The following NPHP3 variants were observed in gnomAD, a reference collection of about 807,000 sequenced individuals.
NPHP3 encodes nephrocystin 3, also known as nephrocystin-3.
In NPHP3, 123 loss-of-function variants were observed where a neutral mutation model predicts 171.9. The observed-to-expected ratio is 0.72, with a 90% CI of 0.62 to 0.83. The LOEUF (loss-of-function observed/expected upper bound fraction) is 0.83, where lower values mean the gene tolerates loss of function less well. Among genes scored for constraint, NPHP3 ranks in the 40% least tolerant of loss-of-function variants. The probability of loss-of-function intolerance (pLI) is 0.00; values close to 1 mark genes in which losing one functional copy is unlikely to be tolerated. For missense variants in NPHP3, 1,506 were observed against 1,591.9 expected (o/e 0.95, Z 0.92); for synonymous variants, 558 against 579.2 (o/e 0.96, Z 0.52).
At chr3:132,713,390 T>C (rs1040894175) in intron 5 of NPHP3, 104 bp from the exon 6 acceptor site, 30 of 595,926 alleles carry the variant, frequency 5.0e-5, no homozygotes, top group Non-Finnish European at 7.9e-5. Context: ...CAGGTTATAC[T>C]GGATATCTTT....
At chr3:132,691,080 T>A (rs1437726940) in intron 18 of NPHP3, 112 bp downstream of exon 18, 1 of 850,764 alleles carries the variant, frequency 1.2e-6, no homozygotes, top group East Asian at 2.4e-5. Flanking sequence ...TTAATCTTTT[T>A]TGTAATAATT....
rs774889708 is a variant in NPHP3 at position 132,684,564 on chromosome 3, T to C, written c.3560A>G (p.Tyr1187Cys). ...AYTVKHLAIL[Y>C]KKMGKLDKAV... ...TCAAAGCTTACTTACCATTTTCTTA[T>C]ACAAGATGGCAAGATGCTTCACCGT... is the stretch of plus-strand genomic sequence containing the variant. The change falls in exon 24 of 27, where the codon TAT becomes TGT. Residue 1187 changes from tyrosine to cysteine, a missense_variant. Tyr to Cys is a radical substitution (Grantham distance 194). Around this residue, in one of 3 missense-constraint regions of NPHP3, gnomAD observed 569 missense variants for 648.1 expected, o/e 0.88. Transcript: ENST00000337331. The C allele has an allele frequency of 2.5e-6, 4 of 1,614,032 alleles. No individual in the cohort carries two copies. The highest frequency in any genetic ancestry group is 3.3e-5 in the Admixed American group (2 of 60,022).
chr3:132,700,066 A>T lies in NPHP3; in HGVS notation c.1744-5T>A. 1 of 1,614,074 alleles carries T rather than the reference A, an allele frequency of 6.2e-7. No individual in the cohort carries two copies. On this transcript the variant is annotated splice_region_variant and splice_polypyrimidine_tract_variant and intron_variant, in intron 11 of 26. Transcript: ENST00000337331. ...TGACCAAGAGTGCTGCATCAACTAC[A>T]AGATAAGAACACACACAAACTGAAG...
At position 132,722,197 on chromosome 3, in the gene NPHP3, T is replaced by A; in HGVS notation, c.159A>T (p.Ala53=). The stretch of plus-strand genomic sequence containing the variant: ...GGGGCAGCGACCCGGGCCCGGCCCC[T>A]GCTGCCGCCCCCGCGCCTCGGCGGA... ...NSFRRGAGAA[A]GAGPGSLPRG... The change falls in exon 1 of 27, where the codon GCA becomes GCT. Residue 53 remains alanine, a synonymous_variant. Transcript: ENST00000337331. 2 of 1,509,092 alleles carry A rather than the reference T, an allele frequency of 1.3e-6. No homozygotes were observed. The highest frequency in any genetic ancestry group is 1.4e-5 in the African/African-American group (1 of 69,728). The allele number at this position is 1,509,092 out of a possible 1,614,324, so 93.5% of individuals were successfully genotyped here.
chr3:132,691,772 C>T (rs1939306003), intron 17 of NPHP3, among the ~76,000 whole-genome samples: 1 of 152,160 alleles, frequency 6.6e-6, no homozygotes, highest in Admixed American at 6.5e-5. Flanking sequence ...ATGTGCTAAA[C>T]ATCTTTCTAG....
rs138630766 is a variant in NPHP3, at chr3:132,684,630, C to T, written c.3494G>A (p.Arg1165Gln). The change falls in exon 24 of 27, where the codon CGG becomes CAG. Residue 1165 changes from arginine to glutamine, a missense_variant. Arg to Gln is a conservative substitution (Grantham distance 43). This residue lies in a region of NPHP3 where 569 missense variants were observed against 648.1 expected (regional missense o/e 0.88). Coordinates refer to ENST00000337331, the MANE Select transcript of NPHP3 (RefSeq NM_153240.5). ...GTGATCAGGAGCTAATGCACGTCTC[C>T]GAATATCTAAAGCTCTTTCATAAAG... ...EELYERALDI[R>Q]RRALAPDHPS... is the part of the protein sequence containing the mutation. The T allele has an allele frequency of 2.0e-5, 32 of 1,613,888 alleles. No individual in the cohort carries two copies. Among genetic ancestry groups the T allele is most frequent in the Non-Finnish European group, 2.5e-5 (30 of 1,179,918 alleles).
At chr3:132,684,183 T>C (rs1376115846) in intron 24 of NPHP3, among the ~76,000 whole-genome samples, 2 of 152,226 alleles carry the variant, frequency 1.3e-5, no homozygotes, top group Non-Finnish European at 2.9e-5. Context: ...AGACATCTCC[T>C]GATTTCTTAT....
rs1232925085 is a variant in NPHP3 at position 132,696,778 on chromosome 3, T to A, written c.2124A>T (p.Thr708=). ...KKLERHCRSA[T]TCNALYVTLF... Reference sequence around the variant, plus strand: ...GGGTGACATAAAGGGCATTGCAGGTTGTAGCAGAACGACAGTGTCGTTCTA... The same window carrying A: ...GGGTGACATAAAGGGCATTGCAGGTAGTAGCAGAACGACAGTGTCGTTCTA... Residue 708 remains threonine, a synonymous_variant, in exon 15 of 27, where the codon ACA becomes ACT. Coordinates refer to ENST00000337331, the MANE Select transcript of NPHP3 (RefSeq NM_153240.5). 1 of 1,614,140 alleles carries A rather than the reference T, an allele frequency of 6.2e-7. No homozygotes were observed. Among genetic ancestry groups the A allele is most frequent in the South Asian group, 1.1e-5 (1 of 91,090 alleles).
In NPHP3 at chr3:132,691,258, A is replaced by G. The variant is rs1395295034; in HGVS notation, c.2504T>C (p.Leu835Pro). ...QAWETVRLEYLEGPTVTSSYR... is the reference protein window; with the variant it reads ...QAWETVRLEYPEGPTVTSSYR... ...TGAAGAAGTAACAGTGGGGCCTTCC[A>G]GGTACTCCAATCTCACTGTTTCCCA... The change falls in exon 18 of 27, where the codon CTG (leucine) becomes CCG (proline). Residue 835 changes from leucine (L) to proline (P), a missense_variant. Transcript: ENST00000337331. 6.2e-6 allele frequency: 10 copies of G among 1,613,174 alleles called. No homozygotes were observed. In the East Asian group the frequency reaches 2.2e-4, roughly 36 times the overall value.
intron 16 of NPHP3, 26 bp downstream of exon 16, chr3:132,694,801 C>G (rs1939403266): frequency 6.2e-7 from 1 of 1,609,844 alleles, no homozygotes; most frequent in Non-Finnish European, 8.5e-7. Context: ...ACTAACATTC[C>G]TTTTTATAAG....
intron 1 of NPHP3, among the ~76,000 whole-genome samples, chr3:132,720,463 C>A (rs1454468876): frequency 6.6e-6 from 1 of 152,182 alleles, no homozygotes; most frequent in Admixed American, 6.5e-5. Context: ...TTGTTTCCAA[C>A]GTGCGGTGTC....
At position 132,700,337 on chromosome 3, in the gene NPHP3, T is replaced by G; in HGVS notation, c.1740A>C (p.Leu580=). The G allele has an allele frequency of 6.3e-7, 1 of 1,587,002 alleles. No individual in the cohort carries two copies. The highest frequency in any genetic ancestry group is 8.7e-7 in the Non-Finnish European group (1 of 1,155,462). Residue 580 remains leucine (L), a synonymous_variant, in exon 11 of 27, where the codon CTA becomes CTC. Coordinates refer to ENST00000337331, the MANE Select transcript of NPHP3 (RefSeq NM_153240.5). ...TCCAAAAGATGGGATACTATACCTTTAGAGTTAGTCGTTTAATAATCAAGG... is the reference window on the plus strand; with the variant it reads ...TCCAAAAGATGGGATACTATACCTTGAGAGTTAGTCGTTTAATAATCAAGG... ...ESSLIIKRLT[L]KLMQHSWSVS...
At chr3:132,706,023 T>C (rs1228278188) in intron 7 of NPHP3, among the ~76,000 whole-genome samples, 1 of 152,082 alleles carries the variant, frequency 6.6e-6, no homozygotes, top group Non-Finnish European at 1.5e-5. Flanking sequence ...AAGTAACTTG[T>C]CCAAGGTCAC....
Position 132,719,258 on chromosome 3 carries a change from T to C in NPHP3, c.520-114A>G. On this transcript the variant is annotated intron_variant, in intron 2 of 26. Coordinates refer to ENST00000337331, the MANE Select transcript of NPHP3 (RefSeq NM_153240.5). ...AAACCAATATTCATTTGGTCCTCGA[T>C]TTCCTCTTTCATAGGGTGAATGTCC... 6 of 816,260 alleles carry C rather than the reference T, an allele frequency of 7.4e-6. No individual in the cohort carries two copies. In the Admixed American group the frequency reaches 1.6e-4, roughly 22 times the overall value. The allele number at this position is 816,260 out of a possible 1,614,324, so 50.6% of individuals were successfully genotyped here. A position where few individuals can be genotyped will look rare whatever the true frequency, so the allele number is the denominator to read the frequency against.
chr3:132,720,538 G>C (rs1400949665), intron 1 of NPHP3, among the ~76,000 whole-genome samples: 1 of 152,110 alleles, frequency 6.6e-6, no homozygotes, highest in Admixed American at 6.5e-5. Flanking sequence ...TTTTATACAT[G>C]CAAGTGCATT....
chr3:132,682,812 G>GT lies in NPHP3; in HGVS notation c.3702dup (p.His1235ThrfsTer3). 1.2e-6 allele frequency: 2 copies of GT among 1,600,910 alleles called. No homozygotes were observed. The highest frequency in any genetic ancestry group is 8.6e-7 in the Non-Finnish European group (1 of 1,168,112). Reference sequence around the variant, plus strand: ...TCATATAATGGCAAAGCTTCAACGTGTTTTTTCTTATTAAAAAAAATGATA... The same window carrying GT: ...TCATATAATGGCAAAGCTTCAACGTGTTTTTTTCTTATTAAAAAAAATGATA... On this transcript the variant is annotated frameshift_variant, in exon 26 of 27. Transcript: ENST00000337331. LOFTEE classifies it high-confidence loss of function.
intron 7 of NPHP3, among the ~76,000 whole-genome samples, chr3:132,706,124 T>C (rs192414778): frequency 6.3e-4 from 94 of 150,368 alleles, no homozygotes; most frequent in Admixed American, 2.8e-3. Flanking sequence ...CTTTGGGAGG[T>C]CGAGGTGGGC....
intron 8 of NPHP3, 198 bp downstream of exon 8, chr3:132,705,542 G>A: frequency 2.2e-6 from 1 of 445,704 alleles, no homozygotes; most frequent in East Asian, 3.7e-5. Flanking sequence ...TGAGATAGAT[G>A]AGAGATAAAG....
At position 132,682,783 on chromosome 3, in the gene NPHP3, T is replaced by C. The variant is rs761284307; in HGVS notation, c.3732A>G (p.Arg1244=). 1 of 1,612,594 alleles carries C rather than the reference T, an allele frequency of 6.2e-7. No homozygotes were observed. The highest frequency in any genetic ancestry group is 8.5e-7 in the Non-Finnish European group (1 of 1,178,652). Residue 1244 remains arginine (R), a synonymous_variant, in exon 26 of 27, where the codon AGA becomes AGG. Coordinates refer to ENST00000337331, the MANE Select transcript of NPHP3 (RefSeq NM_153240.5). ...KHVEALPLYE[R]ALKIYEDSLG... ...GGCTATCTTCATAAATCTTTAATGC[T>C]CTTTCATATAATGGCAAAGCTTCAA...
Sources: gnomAD v4.1 joint callset for allele counts (sites outside exome capture counted in the v4.1 genomes callset) on GRCh38, gnomAD v4.1.1 for gene constraint, gnomAD v4.1.1 regional missense constraint, MANE v1.5 for transcripts, NCBI Gene and HGNC (gene_info 2026-07-23, HGNC 2026-07-21) for gene names.